PHLDB2: variants seen among roughly 807,000 people sequenced by gnomAD.
The protein encoded by PHLDB2 is pleckstrin homology like domain family B member 2.
A neutral mutation model predicts 123.6 loss-of-function variants in PHLDB2; 71 were observed. The observed-to-expected ratio is 0.57, with a 90% CI of 0.47 to 0.70. The LOEUF (loss-of-function observed/expected upper bound fraction) is 0.70, where lower values mean the gene tolerates loss of function less well. PHLDB2 is among the 30% of genes least tolerant of loss of function. The pLI, the probability that PHLDB2 is intolerant of heterozygous loss-of-function variation, is 0.00. For synonymous variants in PHLDB2, 547 were observed against 541.6 expected (o/e 1.01, Z -0.14); for missense variants, 1,446 against 1,519.5 (o/e 0.95, Z 0.80).
chr3:111,844,514 TC>T (rs2063852939), intron 1 of PHLDB2, among the ~76,000 whole-genome samples: 1 of 152,198 alleles, frequency 6.6e-6, no homozygotes. Context: ...GCGTTGTACC[TC>T]TCAGGTATAT....
At chr3:111,935,811 C>A (rs2069455384) in intron 6 of PHLDB2, among the ~76,000 whole-genome samples, 1 of 152,158 alleles carries the variant, frequency 6.6e-6, no homozygotes, top group South Asian at 2.1e-4. Context: ...GGTGCTCACC[C>A]AGATTAAGGG....
chr3:111,756,858 T>C (rs1406086507), intron 1 of PHLDB2, among the ~76,000 whole-genome samples: 2 of 152,106 alleles, frequency 1.3e-5, no homozygotes, highest in Non-Finnish European at 2.9e-5. Context: ...TGACAAAATC[T>C]CTCAGCATTT....
At chr3:111,878,436 C>A (rs1050063146) in intron 1 of PHLDB2, among the ~76,000 whole-genome samples, 1 of 152,200 alleles carries the variant, frequency 6.6e-6, no homozygotes, top group African/African-American at 2.4e-5. Flanking sequence ...TGCTTATCAG[C>A]TTAAGGAGAT....
chr3:111,936,546 A>G (rs1444548574), intron 6 of PHLDB2, among the ~76,000 whole-genome samples: 1 of 152,214 alleles, frequency 6.6e-6, no homozygotes, highest in Non-Finnish European at 1.5e-5. Context: ...TGATTATGTC[A>G]GTGGAGTCTG....
intron 2 of PHLDB2, among the ~76,000 whole-genome samples, chr3:111,898,957 T>G (rs534840522): frequency 1.3e-5 from 2 of 152,378 alleles, no homozygotes; most frequent in African/African-American, 2.4e-5. Flanking sequence ...TCGTTCATGT[T>G]GATAAAAATG....
At chr3:111,871,957 A>G (rs1042194562) in intron 1 of PHLDB2, among the ~76,000 whole-genome samples, 4 of 152,222 alleles carry the variant, frequency 2.6e-5, no homozygotes, top group Admixed American at 6.5e-5. Flanking sequence ...CTTTCTGTGG[A>G]TATCTTCCAG....
At chr3:111,825,326 A>G (rs1005168829) in intron 1 of PHLDB2, among the ~76,000 whole-genome samples, 1 of 152,198 alleles carries the variant, frequency 6.6e-6, no homozygotes, top group African/African-American at 2.4e-5. Context: ...CCTTGGGGAG[A>G]CTGTAAGCTA....
chr3:111,813,895 C>G (rs951529193), intron 1 of PHLDB2, among the ~76,000 whole-genome samples: 26 of 152,194 alleles, frequency 1.7e-4, no homozygotes, highest in African/African-American at 6.0e-4. Flanking sequence ...TTTCAAACAA[C>G]CCAAGATATG....
chr3:111,755,329 G>A (rs1339159267), intron 1 of PHLDB2, among the ~76,000 whole-genome samples: 2 of 146,440 alleles, frequency 1.4e-5, no homozygotes, highest in Non-Finnish European at 3.0e-5. Flanking sequence ...CAATTTCAGA[G>A]CCTGTTATTG....
upstream of PHLDB2, among the ~76,000 whole-genome samples, chr3:111,857,658 G>C (rs975367604): frequency 2.6e-5 from 4 of 151,962 alleles, no homozygotes; most frequent in African/African-American, 9.7e-5. Flanking sequence ...ACAGGGAAAA[G>C]AATTCCTCTA....
chr3:111,789,047 T>G (rs2060805267), intron 1 of PHLDB2, among the ~76,000 whole-genome samples: 1 of 152,170 alleles, frequency 6.6e-6, no homozygotes, highest in Admixed American at 6.5e-5. Context: ...ATCATATTGG[T>G]GAGAAAGGAA....
chr3:111,793,955 G>A (rs2061036985), intron 1 of PHLDB2, among the ~76,000 whole-genome samples: 1 of 151,318 alleles, frequency 6.6e-6, no homozygotes, highest in Non-Finnish European at 1.5e-5. Flanking sequence ...TCAGAGCTGA[G>A]AGCCGTGCTG....
chr3:111,953,799 A>G (rs770966626), intron 11 of PHLDB2, 131 bp from the exon 12 acceptor site: 81 of 656,200 alleles, frequency 1.2e-4, no homozygotes, highest in Admixed American at 3.9e-4. Flanking sequence ...GCATCAACAA[A>G]TGAAATGCAA....
intron 1 of PHLDB2, among the ~76,000 whole-genome samples, chr3:111,806,636 C>G (rs1274244967): frequency 2.0e-5 from 3 of 152,024 alleles, no homozygotes; most frequent in Admixed American, 6.6e-5. Flanking sequence ...TAGGCACGAG[C>G]CAGCACACCT....
intron 1 of PHLDB2, among the ~76,000 whole-genome samples, chr3:111,880,906 C>T (rs1177093545): frequency 6.6e-6 from 1 of 152,036 alleles, no homozygotes; most frequent in Non-Finnish European, 1.5e-5. Flanking sequence ...TTTTTTCGGC[C>T]AAATCTGTTT....
rs1418534673 is a variant in PHLDB2, at chr3:111,949,062, C to T, written c.2618C>T (p.Pro873Leu). The T allele has an allele frequency of 6.2e-7, 1 of 1,613,830 alleles. No homozygotes were observed. Among genetic ancestry groups the T allele is most frequent in the South Asian group, 1.1e-5 (1 of 91,078 alleles). The stretch of plus-strand genomic sequence containing the variant: ...GCCACAGCTGTGCTGGCGAGCCAGC[C>T]ACAGAGTAAAGAGGTGTGTAGGCAT... ...EPATAVLASQPQSKEHFRSLE... is the reference protein window; with the variant it reads ...EPATAVLASQLQSKEHFRSLE... The change falls in exon 10 of 18, where the codon CCA (proline) becomes CTA (leucine). Residue 873 changes from proline (P) to leucine (L), a missense_variant. Pro to Leu is a moderately conservative substitution (Grantham distance 98). This residue lies in a region of PHLDB2 where 594 missense variants were observed against 646.0 expected (regional missense o/e 0.92). Coordinates refer to ENST00000431670, the MANE Select transcript of PHLDB2 (RefSeq NM_001134438.2).
chr3:111,837,401 G>A (rs969213660), intron 1 of PHLDB2, among the ~76,000 whole-genome samples: 3 of 152,112 alleles, frequency 2.0e-5, no homozygotes, highest in African/African-American at 7.2e-5. Context: ...GCATGGAGAA[G>A]AGTGTGTTCT....
chr3:111,773,281 A>G (rs2060209883), intron 1 of PHLDB2, among the ~76,000 whole-genome samples: 1 of 152,210 alleles, frequency 6.6e-6, no homozygotes, highest in Admixed American at 6.5e-5. Context: ...GTGAGAACTC[A>G]TGAATCTCAT....
At chr3:111,739,105 G>C (rs2059556627) in intron 1 of PHLDB2, among the ~76,000 whole-genome samples, 1 of 152,150 alleles carries the variant, frequency 6.6e-6, no homozygotes, top group African/African-American at 2.4e-5. Flanking sequence ...AACTAGAAAA[G>C]TTTACTTCAG....
Sources: gnomAD v4.1 joint callset for allele counts (sites outside exome capture counted in the v4.1 genomes callset) on GRCh38, gnomAD v4.1.1 for gene constraint, gnomAD v4.1.1 regional missense constraint, MANE v1.5 for transcripts, NCBI Gene and HGNC (gene_info 2026-07-23, HGNC 2026-07-21) for gene names.